Variants in GAS2 observed in about 807,000 individuals in gnomAD.
GAS2 encodes growth arrest specific 2.
GAS2 carries 20 observed loss-of-function variants against 37.5 expected under a neutral mutation model. The ratio of observed to expected loss-of-function variants is 0.53; its 90% CI spans 0.37 to 0.77. The LOEUF is 0.77. Among genes scored for constraint, GAS2 ranks in the 30% least tolerant of loss-of-function variants. The pLI, the probability that GAS2 is intolerant of heterozygous loss-of-function variation, is 0.00. For missense variants in GAS2, 336 were observed against 373.4 expected (o/e 0.90, Z 0.82); for synonymous variants, 144 against 132.2 (o/e 1.09, Z -0.61).
At chr11:22,779,803 A>G (rs1250501508) in intron 7 of GAS2, among the ~76,000 whole-genome samples, 1 of 152,048 alleles carries the variant, frequency 6.6e-6, no homozygotes, top group African/African-American at 2.4e-5. Flanking sequence ...CTAACATCTC[A>G]TTTTAATTTT....
chr11:22,660,622 G>A (rs1405086455), intron 1 of GAS2, among the ~76,000 whole-genome samples: 1 of 152,142 alleles, frequency 6.6e-6, no homozygotes, highest in Non-Finnish European at 1.5e-5. Flanking sequence ...GATTTCGTCT[G>A]TGACCAAATC....
intron 7 of GAS2, among the ~76,000 whole-genome samples, chr11:22,790,983 G>A (rs1323670300): frequency 6.6e-6 from 1 of 152,080 alleles, no homozygotes; most frequent in Non-Finnish European, 1.5e-5. Flanking sequence ...AAATAACACT[G>A]AGAGCATAGA....
chr11:22,803,832 C>A (rs1003023730), intron 7 of GAS2, among the ~76,000 whole-genome samples: 1 of 152,048 alleles, frequency 6.6e-6, no homozygotes, highest in African/African-American at 2.4e-5. Flanking sequence ...GGTAAATCAG[C>A]AATTGCAATA....
intron 4 of GAS2, among the ~76,000 whole-genome samples, chr11:22,733,154 C>T (rs990466713): frequency 6.6e-6 from 1 of 151,418 alleles, no homozygotes; most frequent in East Asian, 2.0e-4. Context: ...ATGGTTACCT[C>T]ATAAAGGAGT....
chr11:22,773,176 G>A lies in GAS2; in HGVS notation c.723+17223G>A, dbSNP rs114945969. On this transcript the variant is annotated intron_variant, in intron 7 of 7. Transcript: ENST00000454584. ...AGGCTGCAGTCTTCTGTCTGTGGTCGCGGTTCATTTTCCCAGTATTCCCCA... is the reference window on the plus strand; with the variant it reads ...AGGCTGCAGTCTTCTGTCTGTGGTCACGGTTCATTTTCCCAGTATTCCCCA... Among the ~76,000 whole-genome samples the A allele has an allele frequency of 4.0e-3, 607 of 152,096 alleles. 3 individuals are homozygous for A. Among genetic ancestry groups the A allele is most frequent in the African/African-American group, 0.013 (545 of 41,506 alleles).
intron 7 of GAS2, among the ~76,000 whole-genome samples, chr11:22,780,686 G>A (rs1277982328): frequency 6.6e-6 from 1 of 151,802 alleles, no homozygotes; most frequent in Non-Finnish European, 1.5e-5. Context: ...TGATGACTCT[G>A]CTCCTTGAAG....
intron 7 of GAS2, among the ~76,000 whole-genome samples, chr11:22,780,075 G>T (rs779362745): frequency 6.6e-6 from 1 of 152,130 alleles, no homozygotes; most frequent in Non-Finnish European, 1.5e-5. Context: ...TAGTATATAC[G>T]AGTTGCTTAA....
At chr11:22,748,993 GA>G in intron 5 of GAS2, 126 bp from the exon 6 acceptor site, 1 of 968,476 alleles carries the variant, frequency 1.0e-6, no homozygotes, top group Non-Finnish European at 1.5e-6. Context: ...TTCAATGCCA[GA>G]AAAAAAGTGA....
intron 3 of GAS2, among the ~76,000 whole-genome samples, chr11:22,711,524 G>A (rs1851405316): frequency 6.6e-6 from 1 of 152,220 alleles, no homozygotes; most frequent in South Asian, 2.1e-4. Context: ...AGATACAAGT[G>A]CAGAAGCCAC....
intron 7 of GAS2, among the ~76,000 whole-genome samples, chr11:22,761,823 C>T (rs1590101963): frequency 1.3e-5 from 2 of 152,082 alleles, no homozygotes; most frequent in East Asian, 3.9e-4. Flanking sequence ...AGGTAATAAG[C>T]ATTGGAAGTG....
chr11:22,755,714 C>T (rs776180310), intron 6 of GAS2, 132 bp from the exon 7 acceptor site: 113 of 607,086 alleles, frequency 1.9e-4, no homozygotes, highest in Non-Finnish European at 2.9e-4. Context: ...TATTCCTATG[C>T]TCACATGATG....
chr11:22,626,055 A>C (rs1304500025), intron 1 of GAS2: 2 of 556,096 alleles, frequency 3.6e-6, no homozygotes, highest in Non-Finnish European at 6.5e-6. Flanking sequence ...CATCCTACCG[A>C]GAATTTCCGG....
chr11:22,810,388 G>A (rs1314193437), intron 7 of GAS2, among the ~76,000 whole-genome samples: 1 of 152,010 alleles, frequency 6.6e-6, no homozygotes, highest in African/African-American at 2.4e-5. Context: ...CCTGAGAAGG[G>A]AACTCAAATA....
At chr11:22,675,527 C>A (rs1849387672) in intron 2 of GAS2, among the ~76,000 whole-genome samples, 1 of 152,094 alleles carries the variant, frequency 6.6e-6, no homozygotes, top group East Asian at 1.9e-4. Flanking sequence ...TTTCCATTTG[C>A]TTTTGTTTTT....
At chr11:22,728,494 A>G (rs371615116) in intron 4 of GAS2, among the ~76,000 whole-genome samples, 1 of 151,694 alleles carries the variant, frequency 6.6e-6, no homozygotes, top group South Asian at 2.1e-4. Context: ...CCTGTTTGAA[A>G]AAATATATTC....
At chr11:22,702,481 C>T (rs991115861) in intron 3 of GAS2, 3 of 152,044 alleles carry the variant, frequency 2.0e-5, no homozygotes, top group Admixed American at 6.5e-5. Context: ...TGGAAAATGA[C>T]CATATGCAAA....
chr11:22,684,138 G>A (rs934697208), intron 2 of GAS2, among the ~76,000 whole-genome samples: 2 of 152,200 alleles, frequency 1.3e-5, no homozygotes, highest in Non-Finnish European at 2.9e-5. Flanking sequence ...ATCTGTGAAG[G>A]CAGCCTATAG....
At chr11:22,791,105 C>T (rs1405356207) in intron 7 of GAS2, among the ~76,000 whole-genome samples, 1 of 152,058 alleles carries the variant, frequency 6.6e-6, no homozygotes, top group Non-Finnish European at 1.5e-5. Context: ...TTCCTGAAGA[C>T]CTGTTTGGGT....
chr11:22,637,243 TATTAATA>T (rs1227815153), intron 1 of GAS2, among the ~76,000 whole-genome samples: 29 of 46,320 alleles, frequency 6.3e-4, no homozygotes, highest in Middle Eastern at 0.025. Context: ...ATATTAATTA[TATTAATA>T]GTATACTAAT....
Sources: allele counts gnomAD v4.1 joint callset (sites outside exome capture counted in the v4.1 genomes callset), GRCh38; gene constraint gnomAD v4.1.1; transcripts MANE v1.5; gene names NCBI Gene and HGNC (gene_info 2026-07-23, HGNC 2026-07-21).